Variants in SCG3 observed in about 807,000 individuals in gnomAD.
SCG3 encodes secretogranin-3.
In SCG3, 38 loss-of-function variants were observed where a neutral mutation model predicts 56.2. The ratio of observed to expected loss-of-function variants is 0.68; its 90% CI spans 0.52 to 0.89. SCG3 has a LOEUF of 0.89. Ranked by LOEUF, SCG3 falls within the 40% of genes least tolerant of loss-of-function variation. The pLI is 0.00. For synonymous variants in SCG3, 176 were observed against 184.2 expected (o/e 0.96, Z 0.36); for missense variants, 524 against 540.7 (o/e 0.97, Z 0.31).
intron 11 of SCG3, among the ~76,000 whole-genome samples, chr15:51,716,199 G>T (rs1234157336): frequency 6.6e-6 from 1 of 152,140 alleles, no homozygotes; most frequent in Non-Finnish European, 1.5e-5. Context: ...AAATCACTTA[G>T]CGGGAGTCTG....
chr15:51,691,969 T>C (rs1235004653), intron 6 of SCG3, among the ~76,000 whole-genome samples, 190 bp from the exon 7 acceptor site: 3 of 152,212 alleles, frequency 2.0e-5, no homozygotes, highest in Non-Finnish European at 2.9e-5. Flanking sequence ...CACCTTTCCC[T>C]GAGCTTCAAT....
chr15:51,719,381 T>G (rs772646769), intron 11 of SCG3, 27 bp from the exon 12 acceptor site: 1 of 1,537,160 alleles, frequency 6.5e-7, no homozygotes, highest in Non-Finnish European at 9.0e-7. Context: ...TGATCTTTGC[T>G]CATTATGCTC....
chr15:51,699,967 G>T (rs1041130882), intron 9 of SCG3, among the ~76,000 whole-genome samples: 2 of 152,044 alleles, frequency 1.3e-5, no homozygotes, highest in Admixed American at 1.3e-4. Flanking sequence ...CAAGGAGGAG[G>T]GTGGAACAAA....
At chr15:51,705,427 T>G (rs529884078) in intron 10 of SCG3, among the ~76,000 whole-genome samples, 1 of 152,182 alleles carries the variant, frequency 6.6e-6, no homozygotes, top group Non-Finnish European at 1.5e-5. Flanking sequence ...AGACCAATGA[T>G]AAGAGTGGAT....
intron 7 of SCG3, 84 bp from the exon 8 acceptor site, chr15:51,695,791 C>T (rs1595832852): frequency 3.0e-6 from 2 of 664,444 alleles, no homozygotes; most frequent in Non-Finnish European, 4.9e-6. Context: ...AACAAACAAA[C>T]AAAAAGATGC....
At position 51,689,244 on chromosome 15, in the gene SCG3, T is replaced by C; in HGVS notation, c.566T>C (p.Leu189Pro). Residue 189 changes from leucine to proline, a missense_variant, in exon 6 of 12, where the codon CTG (leucine) becomes CCG (proline). Leu to Pro is a moderately conservative substitution (Grantham distance 98). Transcript: ENST00000220478. The stretch of plus-strand genomic sequence containing the variant: ...ATCACAGAAAGCCAAGCACATACAC[T>C]GGAAGATGAAGTAGCAGAGGTTTTA... ...GLITESQAHT[L>P]EDEVAEVLQK... 1 of 1,613,946 alleles carries C rather than the reference T, an allele frequency of 6.2e-7. No individual in the cohort carries two copies.
chr15:51,684,534 G>A (rs535998018), intron 4 of SCG3, among the ~76,000 whole-genome samples: 2 of 152,282 alleles, frequency 1.3e-5, no homozygotes, highest in South Asian at 2.1e-4. Flanking sequence ...CCAAGACCAC[G>A]CCACTGCACT....
chr15:51,709,726 T>TTA (rs1567222419), intron 10 of SCG3, among the ~76,000 whole-genome samples: 10 of 69,490 alleles, frequency 1.4e-4, no homozygotes, highest in South Asian at 1.2e-3. Flanking sequence ...TTTTTTTTTT[T>TTA]TTTTTTTTTT....
At chr15:51,717,984 G>A (rs2055469175) in intron 11 of SCG3, among the ~76,000 whole-genome samples, 1 of 152,206 alleles carries the variant, frequency 6.6e-6, no homozygotes, top group Non-Finnish European at 1.5e-5. Flanking sequence ...AGGGTGTTAT[G>A]ACCCACAATC....
chr15:51,686,426 G>A (rs1216573350), intron 4 of SCG3, among the ~76,000 whole-genome samples: 2 of 152,280 alleles, frequency 1.3e-5, no homozygotes, highest in Admixed American at 1.3e-4. Flanking sequence ...CTGAAAAACA[G>A]TCATCTCAGT....
intron 10 of SCG3, 36 bp downstream of exon 10, chr15:51,701,280 T>C: frequency 6.5e-7 from 1 of 1,535,234 alleles, no homozygotes; most frequent in Non-Finnish European, 8.7e-7. Context: ...GCAATGAAAT[T>C]GGGAAAGCAA....
In SCG3 at chr15:51,689,295, A is replaced by T; in HGVS notation, c.617A>T (p.Asn206Ile). The change falls in exon 6 of 12, where the codon AAC becomes ATC. Residue 206 changes from asparagine (N) to isoleucine (I), a missense_variant. Physicochemically the swap from Asn to Ile is moderately radical, Grantham distance 149. Coordinates refer to ENST00000220478, the MANE Select transcript of SCG3 (RefSeq NM_013243.4). ...VLQKLISKEA[N>I]NYEEDPNKPT... ...CAAAAATTAATCTCAAAGGAAGCCA[A>T]CAATTATGAGGAGGATCCCAATAAG... 1 of 1,614,094 alleles carries T rather than the reference A, an allele frequency of 6.2e-7. No individual in the cohort carries two copies. Among genetic ancestry groups the T allele is most frequent in the Non-Finnish European group, 8.5e-7 (1 of 1,179,976 alleles).
At chr15:51,701,324 G>A in intron 10 of SCG3, 80 bp downstream of exon 10, 1 of 1,406,566 alleles carries the variant, frequency 7.1e-7, no homozygotes, top group Non-Finnish European at 9.6e-7. Flanking sequence ...GTGATCCAAA[G>A]AGCAAGCTCC....
At chr15:51,715,861 C>CT (rs34085691) in intron 11 of SCG3, among the ~76,000 whole-genome samples, 2,610 of 144,938 alleles carry the variant, frequency 0.018, 56 homozygotes, top group African/African-American at 0.056. Context: ...GGAGTCTGCA[C>CT]TTTTTTTTTT....
At chr15:51,704,240 CATACATAT>C (rs200914700) in intron 10 of SCG3, among the ~76,000 whole-genome samples, 1,636 of 58,764 alleles carry the variant, frequency 0.028, 24 homozygotes, top group Non-Finnish European at 0.034. Context: ...TACATACATA[CATACATAT>C]ATATATATAT....
At chr15:51,684,612 A>T (rs1433871475) in intron 4 of SCG3, among the ~76,000 whole-genome samples, 1 of 152,160 alleles carries the variant, frequency 6.6e-6, no homozygotes, top group Non-Finnish European at 1.5e-5. Context: ...CAAAGTCCTT[A>T]ATGAAGCTTG....
intron 4 of SCG3, 70 bp downstream of exon 4, chr15:51,683,504 T>C: frequency 3.1e-6 from 3 of 970,672 alleles, no homozygotes; most frequent in East Asian, 2.5e-5. Context: ...AAGTCCAATA[T>C]TTTAAAAATA....
At chr15:51,699,290 AATT>A in intron 8 of SCG3, 26 bp from the exon 9 acceptor site, 1 of 1,524,020 alleles carries the variant, frequency 6.6e-7, no homozygotes. Context: ...CAGGGAATAA[AATT>A]AAATTTCTTT....
At chr15:51,685,374 G>C (rs1430148316) in intron 4 of SCG3, among the ~76,000 whole-genome samples, 1 of 152,206 alleles carries the variant, frequency 6.6e-6, no homozygotes, top group Non-Finnish European at 1.5e-5. Context: ...TGCAGGCAGA[G>C]ACATAGATCT....
Sources: allele counts gnomAD v4.1 joint callset (sites outside exome capture counted in the v4.1 genomes callset), GRCh38; gene constraint gnomAD v4.1.1; transcripts MANE v1.5; gene names NCBI Gene and HGNC (gene_info 2026-07-23, HGNC 2026-07-21).